GRID1: variants seen among roughly 807,000 people sequenced by gnomAD.
GRID1 encodes glutamate receptor ionotropic, delta-1.
A neutral mutation model predicts 98.0 loss-of-function variants in GRID1; 28 were observed. That is an observed-to-expected ratio of 0.29 (90% CI 0.21 to 0.39). GRID1 has a LOEUF of 0.39. Among genes scored for constraint, GRID1 ranks in the 10% least tolerant of loss-of-function variants. The pLI, the probability that GRID1 is intolerant of heterozygous loss-of-function variation, is 1.00. For missense variants in GRID1, 1,111 were observed against 1,340.5 expected (o/e 0.83, Z 2.67); for synonymous variants, 553 against 538.5 (o/e 1.03, Z -0.37).
chr10:85,734,153 T>C (rs140910432), intron 8 of GRID1, among the ~76,000 whole-genome samples: 218 of 152,230 alleles, frequency 1.4e-3, no homozygotes, highest in African/African-American at 5.0e-3. Context: ...AGGGGTGCTT[T>C]ATCTCCTAGA....
chr10:86,181,411 A>C (rs1845653592), intron 3 of GRID1, among the ~76,000 whole-genome samples: 1 of 152,176 alleles, frequency 6.6e-6, no homozygotes, highest in Non-Finnish European at 1.5e-5. Flanking sequence ...CTTCCAGTGG[A>C]CACTAACATG....
chr10:85,724,815 G>C, intron 10 of GRID1, 139 bp from the exon 11 acceptor site: 1 of 617,068 alleles, frequency 1.6e-6, no homozygotes, highest in Non-Finnish European at 2.8e-6. Flanking sequence ...CTGAGAGTCT[G>C]AATATTATAA....
intron 5 of GRID1, among the ~76,000 whole-genome samples, chr10:85,882,936 G>C (rs942703207): frequency 6.6e-6 from 1 of 151,924 alleles, no homozygotes; most frequent in African/African-American, 2.4e-5. Flanking sequence ...CTCTGTTTCT[G>C]ATTCTTGGGA....
chr10:86,107,793 CCAG>C (rs1844414000), intron 4 of GRID1, among the ~76,000 whole-genome samples: 1 of 152,144 alleles, frequency 6.6e-6, no homozygotes, highest in Non-Finnish European at 1.5e-5. Flanking sequence ...CAGCCACTGA[CCAG>C]CAGAACAACG....
intron 8 of GRID1, among the ~76,000 whole-genome samples, chr10:85,731,923 AAG>A (rs1387754607): frequency 2.4e-5 from 3 of 124,522 alleles, no homozygotes; most frequent in Non-Finnish European, 5.1e-5. Flanking sequence ...GAAAGAAAGA[AAG>A]AGAGAGAGAG....
chr10:85,692,150 C>A (rs1386199673), intron 12 of GRID1, among the ~76,000 whole-genome samples: 2 of 152,112 alleles, frequency 1.3e-5, no homozygotes, highest in African/African-American at 2.4e-5. Context: ...CACCTACTGG[C>A]TCTAGGAGAT....
chr10:86,002,623 C>T (rs1842815036), intron 4 of GRID1, among the ~76,000 whole-genome samples: 1 of 152,224 alleles, frequency 6.6e-6, no homozygotes, highest in Non-Finnish European at 1.5e-5. Flanking sequence ...ACCCCCCAGA[C>T]TCAGCCACAT....
intron 4 of GRID1, among the ~76,000 whole-genome samples, chr10:86,003,869 T>C (rs1164949003): frequency 6.6e-6 from 1 of 152,150 alleles, no homozygotes; most frequent in Non-Finnish European, 1.5e-5. Flanking sequence ...CCTTTGGCAA[T>C]AGCTAAGAAA....
intron 5 of GRID1, among the ~76,000 whole-genome samples, chr10:85,904,469 G>C (rs1340550084): frequency 2.0e-5 from 3 of 152,078 alleles, no homozygotes; most frequent in Non-Finnish European, 4.4e-5. Flanking sequence ...AGAGTTTGCA[G>C]GAAAGACTAC....
chr10:85,955,378 C>T (rs1842176088), intron 4 of GRID1, among the ~76,000 whole-genome samples: 2 of 152,108 alleles, frequency 1.3e-5, no homozygotes, highest in South Asian at 4.2e-4. Context: ...TGCGAGACAA[C>T]TTATGGAAGT....
At chr10:86,021,912 A>G (rs985213840) in intron 4 of GRID1, among the ~76,000 whole-genome samples, 3 of 152,344 alleles carry the variant, frequency 2.0e-5, no homozygotes, top group African/African-American at 7.2e-5. Flanking sequence ...GGTGAGCTGC[A>G]GCCTGGGTCC....
At chr10:86,300,721 G>A (rs1253446505) in intron 2 of GRID1, among the ~76,000 whole-genome samples, 1 of 152,084 alleles carries the variant, frequency 6.6e-6, no homozygotes, top group Admixed American at 6.5e-5. Context: ...ACTGGAGCAG[G>A]AGGAAAGAAC....
At chr10:86,107,820 G>C (rs2131949526) in intron 4 of GRID1, among the ~76,000 whole-genome samples, 1 of 152,268 alleles carries the variant, frequency 6.6e-6, no homozygotes, top group South Asian at 2.1e-4. Context: ...AATTTGGCCA[G>C]GGCACTCAGA....
At chr10:85,950,978 C>T (rs930095557) in intron 4 of GRID1, among the ~76,000 whole-genome samples, 1 of 152,142 alleles carries the variant, frequency 6.6e-6, no homozygotes, top group Non-Finnish European at 1.5e-5. Context: ...GAGTTAGGAG[C>T]CTGTCTGGCA....
chr10:86,040,030 T>C (rs1291769716), intron 4 of GRID1, among the ~76,000 whole-genome samples: 5 of 152,240 alleles, frequency 3.3e-5, no homozygotes, highest in Admixed American at 2.6e-4. Flanking sequence ...CGGGATGCAA[T>C]CTGAGAAGCA....
chr10:85,780,823 T>G (rs1842374848), intron 8 of GRID1, among the ~76,000 whole-genome samples: 1 of 152,254 alleles, frequency 6.6e-6, no homozygotes, highest in African/African-American at 2.4e-5. Context: ...TTCTGAGGAT[T>G]AAATTAGGCA....
intron 4 of GRID1, among the ~76,000 whole-genome samples, chr10:85,997,493 G>A (rs893810346): frequency 6.6e-6 from 1 of 152,054 alleles, no homozygotes; most frequent in African/African-American, 2.4e-5. Context: ...ACTTAAAGTG[G>A]CAAATTATTG....
intron 2 of GRID1, among the ~76,000 whole-genome samples, chr10:86,362,851 G>A (rs1345123468): frequency 1.3e-5 from 2 of 151,844 alleles, no homozygotes; most frequent in South Asian, 4.2e-4. Context: ...CACCAGCCAG[G>A]AGCTCTTAGC....
At chr10:85,712,037 G>A (rs1422095556) in intron 12 of GRID1, among the ~76,000 whole-genome samples, 2 of 151,600 alleles carry the variant, frequency 1.3e-5, no homozygotes, top group Non-Finnish European at 3.0e-5. Flanking sequence ...TATCAAGGGA[G>A]TTAAAATGGT....
Sources: gnomAD v4.1 joint callset for allele counts (sites outside exome capture counted in the v4.1 genomes callset) on GRCh38, gnomAD v4.1.1 for gene constraint, MANE v1.5 for transcripts, NCBI Gene and HGNC (gene_info 2026-07-23, HGNC 2026-07-21) for gene names.